ERC1: variants seen among roughly 807,000 people sequenced by gnomAD.
ERC1 encodes the protein RAB6 interacting protein 2.
ERC1 carries 56 observed loss-of-function variants against 132.0 expected under a neutral mutation model. That is an observed-to-expected ratio of 0.42 (90% confidence interval 0.34 to 0.53). The LOEUF (loss-of-function observed/expected upper bound fraction) is 0.53, where lower values mean the gene tolerates loss of function less well. ERC1 is among the 20% of genes least tolerant of loss of function. The probability of loss-of-function intolerance (pLI) is 0.03; values close to 1 mark genes in which losing one functional copy is unlikely to be tolerated. For synonymous variants in ERC1, 478 were observed against 476.1 expected (o/e 1.00, Z -0.05); for missense variants, 1,202 against 1,349.9 (o/e 0.89, Z 1.72).
At chr12:1,051,735 A>G (rs1179532117) in intron 2 of ERC1, among the ~76,000 whole-genome samples, 2 of 152,036 alleles carry the variant, frequency 1.3e-5, no homozygotes, top group African/African-American at 4.8e-5. Flanking sequence ...CAAGAATGAA[A>G]AACACCACAG....
chr12:1,011,983 A>C (rs970340971), intron 1 of ERC1, among the ~76,000 whole-genome samples: 1 of 152,164 alleles, frequency 6.6e-6, no homozygotes, highest in Non-Finnish European at 1.5e-5. Context: ...TTGTGTTATA[A>C]ACGTTTTTTA....
chr12:1,180,825 A>AT (rs1050835752), intron 9 of ERC1, 148 bp downstream of exon 9: 31 of 935,236 alleles, frequency 3.3e-5, no homozygotes, highest in Middle Eastern at 3.2e-4. Flanking sequence ...GAAGGGAAAC[A>AT]TTTTTTTTAG....
chr12:1,021,544 A>G (rs1253905956), intron 1 of ERC1, among the ~76,000 whole-genome samples: 2 of 151,754 alleles, frequency 1.3e-5, no homozygotes, highest in African/African-American at 2.4e-5. Context: ...CTAAAAATAC[A>G]AAAAATTAGC....
chr12:1,221,577 T>G (rs1348552249), intron 12 of ERC1, among the ~76,000 whole-genome samples: 1 of 152,230 alleles, frequency 6.6e-6, no homozygotes, highest in Non-Finnish European at 1.5e-5. Context: ...CATCATGACT[T>G]GTTTTCTTTA....
intron 17 of ERC1, among the ~76,000 whole-genome samples, chr12:1,412,356 G>A (rs186198281): frequency 1.3e-5 from 2 of 152,334 alleles, no homozygotes; most frequent in East Asian, 3.9e-4. Context: ...TCAAGTGTGA[G>A]CCTTACTTGA....
At chr12:1,121,615 A>G (rs1343060828) in intron 7 of ERC1, among the ~76,000 whole-genome samples, 1 of 151,922 alleles carries the variant, frequency 6.6e-6, no homozygotes, top group African/African-American at 2.4e-5. Flanking sequence ...CTGGGGATAC[A>G]GTGGCAAATG....
intron 18 of ERC1, among the ~76,000 whole-genome samples, chr12:1,484,231 G>A (rs918473755): frequency 3.3e-5 from 5 of 151,832 alleles, no homozygotes; most frequent in African/African-American, 1.2e-4. Flanking sequence ...TGTGAACCTG[G>A]GATGTGGAGC....
intron 12 of ERC1, among the ~76,000 whole-genome samples, chr12:1,226,045 A>G (rs2074549738): frequency 6.6e-6 from 1 of 152,252 alleles, no homozygotes; most frequent in South Asian, 2.1e-4. Flanking sequence ...AAAATGAGAA[A>G]TAAAAAATTA....
rs36113377 is a variant in ERC1 at position 1,110,209 on chromosome 12, T to A, written c.1179T>A (p.Ser393=). The part of the protein sequence containing the change: ...VIEMKDSKIS[S]MERGLRDLEE... Reference sequence around the variant, plus strand: ...GTCTTCAGGATTCAAAAATTTCCTCTATGGAGCGTGGGCTTCGAGACCTGG... The same window carrying A: ...GTCTTCAGGATTCAAAAATTTCCTCAATGGAGCGTGGGCTTCGAGACCTGG... The change falls in exon 5 of 19, where the codon TCT becomes TCA. Residue 393 remains serine (S), a synonymous_variant. Transcript: ENST00000360905. The A allele has an allele frequency of 2.9e-3, 4,737 of 1,611,352 alleles. 95 individuals are homozygous for A. In the African/African-American group the frequency reaches 0.047, roughly 16 times the overall value.
rs182063551 is a variant in ERC1, at chr12:1,216,733, C to A, written c.2352-20036C>A. On this transcript the variant is annotated intron_variant, in intron 12 of 18. Transcript: ENST00000360905. The stretch of plus-strand genomic sequence containing the variant: ...GCCATATTGTCTATTCAGACTAGTA[C>A]GTTACTTTTCCAGAGTCATGGGGCT... 4.4e-3 allele frequency among the ~76,000 whole-genome samples: 673 copies of A among 152,142 alleles called. 7 individuals are homozygous for A. The highest frequency in any genetic ancestry group is 0.041 in the South Asian group (197 of 4,822).
At chr12:1,084,472 T>G (rs527652626) in intron 3 of ERC1, among the ~76,000 whole-genome samples, 4 of 152,298 alleles carry the variant, frequency 2.6e-5, no homozygotes. Context: ...AATTTTTCCT[T>G]TTGTAAAAAG....
chr12:1,280,981 T>C (rs2154336362), intron 14 of ERC1, among the ~76,000 whole-genome samples: 1 of 152,362 alleles, frequency 6.6e-6, no homozygotes, highest in Admixed American at 6.5e-5. Flanking sequence ...ATTAATGAAA[T>C]GTCAACTTTA....
chr12:1,434,549 G>A (rs1325937636), intron 17 of ERC1, among the ~76,000 whole-genome samples: 4 of 152,204 alleles, frequency 2.6e-5, no homozygotes, highest in African/African-American at 9.6e-5. Flanking sequence ...AAATGCTAGG[G>A]TTTGTTCTTT....
Position 1,289,923 on chromosome 12 carries a change from C to T in ERC1, c.2691C>T (p.Ser897=). 6.2e-7 allele frequency: 1 copy of T among 1,613,900 alleles called. No homozygotes were observed. Among genetic ancestry groups the T allele is most frequent in the South Asian group, 1.1e-5 (1 of 91,074 alleles). Residue 897 remains serine (S), a synonymous_variant, in exon 15 of 19, where the codon TCC becomes TCT. Coordinates refer to ENST00000360905, the MANE Select transcript of ERC1 (RefSeq NM_178040.4). The part of the protein sequence containing the change: ...ELESMKAKLS[S]TQQSLAEKET... The stretch of plus-strand genomic sequence containing the variant: ...AATCCATGAAAGCAAAGCTGTCCTC[C>T]ACCCAGCAGTCTCTGGCAGAAAAGG...
intron 12 of ERC1, among the ~76,000 whole-genome samples, chr12:1,191,480 A>G (rs1031065421): frequency 1.3e-5 from 2 of 152,168 alleles, no homozygotes; most frequent in Admixed American, 6.5e-5. Context: ...AATTCCTTGA[A>G]TAAGTTTTAT....
At chr12:1,046,524 T>A (rs1971107636) in intron 2 of ERC1, among the ~76,000 whole-genome samples, 1 of 152,230 alleles carries the variant, frequency 6.6e-6, no homozygotes, top group African/African-American at 2.4e-5. Context: ...ATATGGCTGC[T>A]TTCACACCAG....
intron 18 of ERC1, among the ~76,000 whole-genome samples, chr12:1,463,925 G>A (rs952626187): frequency 6.6e-6 from 1 of 152,100 alleles, no homozygotes; most frequent in Non-Finnish European, 1.5e-5. Flanking sequence ...AGGGAATATG[G>A]GGAAGGTTGG....
rs3741976 is a variant in ERC1 at position 1,492,730 on chromosome 12, C to A, written c.*2500C>A. 3.0e-5 allele frequency: 7 copies of A among 232,374 alleles called. No homozygotes were observed. The East Asian group carries it at 4.2e-4, about 14-fold the overall frequency. 14.4% of individuals were successfully genotyped at this position (232,374 alleles called of 1,614,324 possible). On this transcript the variant is annotated 3_prime_UTR_variant, in exon 19 of 19. Coordinates refer to ENST00000360905, the MANE Select transcript of ERC1 (RefSeq NM_178040.4). ...ACCGTTCTTGGGCACTGGAGGCTGG[C>A]TAGGAGTTCAGTAATAAACGTGGCC...
intron 1 of ERC1, among the ~76,000 whole-genome samples, chr12:1,023,451 T>A (rs756446554): frequency 1.3e-5 from 2 of 152,028 alleles, no homozygotes; most frequent in Non-Finnish European, 2.9e-5. Flanking sequence ...GGTTTTGGAA[T>A]GGGGAGACCT....
Sources: allele counts gnomAD v4.1 joint callset (sites outside exome capture counted in the v4.1 genomes callset), GRCh38; gene constraint gnomAD v4.1.1; transcripts MANE v1.5; gene names NCBI Gene and HGNC (gene_info 2026-07-23, HGNC 2026-07-21).